Variants in IKZF1 observed in about 807,000 individuals in gnomAD.
IKZF1 encodes DNA-binding protein Ikaros.
Under a neutral mutation model 51.7 loss-of-function variants are expected in IKZF1, and 10 were observed. The ratio of observed to expected loss-of-function variants is 0.19; its 90% CI spans 0.12 to 0.33. The LOEUF is 0.33. Ranked by LOEUF, IKZF1 falls within the 10% of genes least tolerant of loss-of-function variation. The pLI, the probability that IKZF1 is intolerant of heterozygous loss-of-function variation, is 1.00. For synonymous variants in IKZF1, 280 were observed against 282.3 expected, an observed-to-expected ratio of 0.99 and a Z score of 0.08; for missense variants, 484 against 707.5, an observed-to-expected ratio of 0.68 and a Z score of 3.58.
Position 50,403,492 on chromosome 7 carries a change from C to A in IKZF1, c.*2865C>A, listed in dbSNP as rs181156489. 35 of 228,624 alleles carry A rather than the reference C, an allele frequency of 1.5e-4. No homozygotes were observed. The highest frequency in any genetic ancestry group is 8.7e-6 in the Non-Finnish European group (1 of 115,146). 14.2% of individuals were successfully genotyped at this position (228,624 alleles called of 1,614,324 possible). ...TGGCCTGTTGATTACAGCTAGTAAT[C>A]GCTGTGTCTTGTTCCGCCCCCTCCC... On this transcript the variant is annotated 3_prime_UTR_variant, in exon 8 of 8. Transcript: ENST00000331340.
chr7:50,316,202 G>A (rs1163307914), intron 1 of IKZF1, among the ~76,000 whole-genome samples: 1 of 152,086 alleles, frequency 6.6e-6, no homozygotes, highest in Non-Finnish European at 1.5e-5. Context: ...AATTCACAGG[G>A]CTCAGTGCAG....
rs1798197002 is a variant in IKZF1 at position 50,338,063 on chromosome 7, TCCA to T, written c.160+10307_160+10309del. On this transcript the variant is annotated intron_variant, in intron 3 of 7. Transcript: ENST00000331340. Reference sequence around the variant, plus strand: ...GGTTTTTTAATATAGCCAGTAATGTTCCAGAATCTGACATGTGAATTTTAAAAA... The same window carrying T: ...GGTTTTTTAATATAGCCAGTAATGTTGAATCTGACATGTGAATTTTAAAAA... Among the ~76,000 whole-genome samples the T allele has an allele frequency of 5.9e-5, 9 of 152,132 alleles. No individual in the cohort carries two copies. In the South Asian group the frequency reaches 1.9e-3, roughly 31 times the overall value.
intron 3 of IKZF1, among the ~76,000 whole-genome samples, chr7:50,365,972 G>C (rs1806812157): frequency 6.6e-6 from 1 of 152,170 alleles, no homozygotes; most frequent in Non-Finnish European, 1.5e-5. Flanking sequence ...CATGCCCTTT[G>C]CAGGAACATG....
At position 50,335,512 on chromosome 7, in the gene IKZF1, ATG is replaced by A. The variant is rs1302025992; in HGVS notation, c.160+7760_160+7761del. Among the ~76,000 whole-genome samples the A allele has an allele frequency of 3.0e-3, 306 of 101,790 alleles. 2 individuals are homozygous for A. The highest frequency in any genetic ancestry group is 0.011 in the African/African-American group (267 of 25,120). 66.8% of individuals were successfully genotyped at this position (101,790 alleles called of 152,430 possible). On this transcript the variant is annotated intron_variant, in intron 3 of 7. Coordinates refer to ENST00000331340, the MANE Select transcript of IKZF1 (RefSeq NM_006060.6). ...TGTGTGGTGTGTATGTGTGTATGGG[ATG>A]TGTGGTGTGTGGTGCATAGTGTGTA... is the stretch of plus-strand genomic sequence containing the variant.
At chr7:50,394,310 A>G (rs955028758) in intron 7 of IKZF1, 8 of 233,006 alleles carry the variant, frequency 3.4e-5, no homozygotes, top group Middle Eastern at 1.2e-3. Flanking sequence ...TGAGATTTCC[A>G]TCAGTCACTC....
chr7:50,330,137 T>G (rs1405812180), intron 3 of IKZF1, among the ~76,000 whole-genome samples: 1 of 152,094 alleles, frequency 6.6e-6, no homozygotes, highest in Non-Finnish European at 1.5e-5. Flanking sequence ...CACCTTGGAG[T>G]CAGGGGCGGG....
At chr7:50,387,308 T>A (rs1474715608) in intron 5 of IKZF1, 37 bp from the exon 6 acceptor site, 1 of 1,597,702 alleles carries the variant, frequency 6.3e-7, no homozygotes, top group Non-Finnish European at 8.5e-7. Context: ...AGGCTGGCAT[T>A]TAATTGGGGT....
At chr7:50,378,498 A>G (rs567017635) in intron 4 of IKZF1, among the ~76,000 whole-genome samples, 12 of 152,370 alleles carry the variant, frequency 7.9e-5, no homozygotes, top group Admixed American at 6.5e-4. Context: ...CAAATGAACT[A>G]CTTGCCTGTT....
At chr7:50,389,879 G>T (rs1454813546) in intron 6 of IKZF1, among the ~76,000 whole-genome samples, 1 of 152,142 alleles carries the variant, frequency 6.6e-6, no homozygotes, top group Admixed American at 6.5e-5. Flanking sequence ...AGAACCCCTT[G>T]TCTGTGCTCA....
At chr7:50,334,420 A>G (rs1387659970) in intron 3 of IKZF1, among the ~76,000 whole-genome samples, 1 of 151,532 alleles carries the variant, frequency 6.6e-6, no homozygotes, top group African/African-American at 2.4e-5. Flanking sequence ...TGTGTGTGGC[A>G]TGTGTGTGTT....
intron 6 of IKZF1, chr7:50,388,697 T>C (rs1401531273): frequency 6.6e-6 from 1 of 152,170 alleles, no homozygotes; most frequent in African/African-American, 2.4e-5. Flanking sequence ...AAAATAATAA[T>C]AATGTAACAG....
chr7:50,387,955 G>A (rs972052472), intron 6 of IKZF1, among the ~76,000 whole-genome samples: 6 of 152,218 alleles, frequency 3.9e-5, no homozygotes, highest in African/African-American at 1.4e-4. Context: ...TGCATGGAGT[G>A]TGAGGTTGAA....
At chr7:50,335,380 GTGTA>G (rs1797442655) in intron 3 of IKZF1, among the ~76,000 whole-genome samples, 2 of 147,018 alleles carry the variant, frequency 1.4e-5, no homozygotes, top group African/African-American at 5.0e-5. Flanking sequence ...GGTGTGTGGT[GTGTA>G]TGTGTGTATG....
intron 3 of IKZF1, among the ~76,000 whole-genome samples, chr7:50,367,299 TGGG>T (rs1807222282): frequency 6.6e-6 from 1 of 152,050 alleles, no homozygotes; most frequent in South Asian, 2.1e-4. Flanking sequence ...CTGTGACTCT[TGGG>T]GGAAAGATTG....
intron 3 of IKZF1, among the ~76,000 whole-genome samples, chr7:50,373,387 A>G (rs1809289548): frequency 6.6e-6 from 1 of 152,190 alleles, no homozygotes; most frequent in African/African-American, 2.4e-5. Flanking sequence ...GCAAGTTCTA[A>G]TAGGCCATAT....
rs990496972 is a variant in IKZF1 at position 50,324,551 on chromosome 7, C to A, written c.41-3087C>A. On this transcript the variant is annotated intron_variant, in intron 2 of 7. Coordinates refer to ENST00000331340, the MANE Select transcript of IKZF1 (RefSeq NM_006060.6). ...TCTGACCCATGGTATTTTAGAATTG[C>A]GATCCCTACTGTTTCATTATTCCTT... Among the ~76,000 whole-genome samples the A allele has an allele frequency of 2.0e-5, 3 of 152,026 alleles. No individual in the cohort carries two copies. In the South Asian group the frequency reaches 6.2e-4, roughly 31 times the overall value.
chr7:50,318,112 CACTT>C lies in IKZF1; in HGVS notation c.-14-935_-14-932del, dbSNP rs753638756. On this transcript the variant is annotated intron_variant, in intron 1 of 7. Coordinates refer to ENST00000331340, the MANE Select transcript of IKZF1 (RefSeq NM_006060.6). ...ATCTGTGGAGCTGCCAGCTGTCATC[CACTT>C]TGGGGCACCTGAGACTGCCGAGCGG... Among the ~76,000 whole-genome samples, 344 of 152,186 alleles carry C rather than the reference CACTT, an allele frequency of 2.3e-3. 3 individuals are homozygous for C. Among genetic ancestry groups the C allele is most frequent in the African/African-American group, 7.5e-3 (311 of 41,508 alleles).
chr7:50,306,821 G>A (rs1360809868), intron 1 of IKZF1, among the ~76,000 whole-genome samples: 1 of 152,184 alleles, frequency 6.6e-6, no homozygotes, highest in Non-Finnish European at 1.5e-5. Context: ...TGATTTGGAT[G>A]TGTGTGTTTC....
At chr7:50,357,436 A>G (rs1276873714) in intron 3 of IKZF1, among the ~76,000 whole-genome samples, 1 of 144,750 alleles carries the variant, frequency 6.9e-6, no homozygotes, top group Non-Finnish European at 1.5e-5. Flanking sequence ...CTCATTTTGA[A>G]TGTCACCCTT....
Sources: gnomAD v4.1 joint callset for allele counts (sites outside exome capture counted in the v4.1 genomes callset) on GRCh38, gnomAD v4.1.1 for gene constraint, MANE v1.5 for transcripts, NCBI Gene and HGNC (gene_info 2026-07-23, HGNC 2026-07-21) for gene names.